KLHL32: variants seen among roughly 807,000 people sequenced by gnomAD.
KLHL32 encodes the protein kelch like family member 32, also known as kelch-like protein 32.
In KLHL32, 35 loss-of-function variants were observed where a neutral mutation model predicts 64.8. That is an observed-to-expected ratio of 0.54 (90% CI 0.41 to 0.72). KLHL32 has a LOEUF of 0.72. KLHL32 is among the 30% of genes least tolerant of loss of function. KLHL32 has a pLI of 0.00. For missense variants in KLHL32, 589 were observed against 768.5 expected (o/e 0.77, Z 2.76); for synonymous variants, 259 against 281.0 (o/e 0.92, Z 0.78).
intron 3 of KLHL32, among the ~76,000 whole-genome samples, chr6:96,985,486 C>A (rs1175241699): frequency 3.3e-5 from 5 of 152,214 alleles, no homozygotes; most frequent in Non-Finnish European, 7.3e-5. Flanking sequence ...TGGTTCCATT[C>A]TCTTCGTCAC....
chr6:97,053,682 C>G (rs1041139695), intron 4 of KLHL32, among the ~76,000 whole-genome samples: 1 of 151,766 alleles, frequency 6.6e-6, no homozygotes, highest in Non-Finnish European at 1.5e-5. Flanking sequence ...TTTACTTCAA[C>G]TTCTTTTCTG....
At chr6:97,067,412 A>G (rs1789963758) in intron 5 of KLHL32, among the ~76,000 whole-genome samples, 1 of 152,190 alleles carries the variant, frequency 6.6e-6, no homozygotes, top group Non-Finnish European at 1.5e-5. Context: ...GGAAAAAGGA[A>G]AGCTGGGCAA....
intron 1 of KLHL32, among the ~76,000 whole-genome samples, chr6:96,963,609 T>A (rs1774110764): frequency 6.6e-6 from 1 of 152,190 alleles, no homozygotes; most frequent in Non-Finnish European, 1.5e-5. Flanking sequence ...CTTGCTTTTT[T>A]ATAGTAGTTA....
At chr6:96,994,347 T>C (rs1192915268) in intron 3 of KLHL32, 1 of 301,312 alleles carries the variant, frequency 3.3e-6, no homozygotes, top group Non-Finnish European at 4.9e-6. Flanking sequence ...AAATGTTTTC[T>C]AATATTTTAT....
At chr6:96,917,417 A>C in the KLHL32 span, among the ~76,000 whole-genome samples, 1 of 152,198 alleles carries the variant, frequency 6.6e-6, no homozygotes, top group Non-Finnish European at 1.5e-5. Context: ...TGAGTTTAGA[A>C]GTAAAACATC....
chr6:96,974,213 C>T (rs1178355603), intron 2 of KLHL32, among the ~76,000 whole-genome samples: 1 of 152,110 alleles, frequency 6.6e-6, no homozygotes, highest in Non-Finnish European at 1.5e-5. Flanking sequence ...GAGAATAGTT[C>T]ATGGGACACG....
chr6:96,998,318 T>C (rs776526283), intron 3 of KLHL32, among the ~76,000 whole-genome samples: 15 of 152,224 alleles, frequency 9.9e-5, no homozygotes, highest in Non-Finnish European at 2.2e-4. Context: ...GATGCTGTAA[T>C]TAGAATCTGC....
chr6:96,990,423 G>A (rs931650435), intron 3 of KLHL32, among the ~76,000 whole-genome samples: 5 of 152,170 alleles, frequency 3.3e-5, no homozygotes, highest in Admixed American at 2.0e-4. Context: ...ATAATGGTAA[G>A]TTCTTGCTCA....
In KLHL32 at chr6:97,090,006, G is replaced by A. The variant is rs1351580838; in HGVS notation, c.627+4665G>A. Among the ~76,000 whole-genome samples the A allele has an allele frequency of 2.6e-5, 4 of 152,068 alleles. No individual in the cohort carries two copies. The East Asian group carries it at 7.7e-4, about 29-fold the overall frequency. On this transcript the variant is annotated intron_variant, in intron 6 of 10. Coordinates refer to ENST00000369261, the MANE Select transcript of KLHL32 (RefSeq NM_052904.4). ...AAGTAATTGCATAAACCCAAGTTAT[G>A]TCCTATTTTAGTGTGGCAAAGAGGG... is the stretch of plus-strand genomic sequence containing the variant.
intron 1 of KLHL32, among the ~76,000 whole-genome samples, chr6:96,940,130 A>C (rs953785539): frequency 7.9e-5 from 12 of 152,194 alleles, no homozygotes; most frequent in Non-Finnish European, 1.5e-4. Context: ...TTATAGTACT[A>C]ATCCATACAA....
At chr6:97,106,229 T>C (rs1006679466) in intron 6 of KLHL32, among the ~76,000 whole-genome samples, 1 of 152,222 alleles carries the variant, frequency 6.6e-6, no homozygotes, top group African/African-American at 2.4e-5. Flanking sequence ...GATATATTTC[T>C]GAAATACATA....
At chr6:96,983,207 G>A (rs1350380484) in intron 3 of KLHL32, among the ~76,000 whole-genome samples, 1 of 152,266 alleles carries the variant, frequency 6.6e-6, no homozygotes, top group Non-Finnish European at 1.5e-5. Flanking sequence ...TGTTGAACTA[G>A]CCTTGCATCC....
At chr6:97,054,107 T>C (rs1787407680) in intron 4 of KLHL32, among the ~76,000 whole-genome samples, 1 of 152,112 alleles carries the variant, frequency 6.6e-6, no homozygotes, top group Non-Finnish European at 1.5e-5. Flanking sequence ...GAAAGCAACA[T>C]GATAGCAAAA....
the KLHL32 span, among the ~76,000 whole-genome samples, chr6:96,915,945 G>A: frequency 6.6e-6 from 1 of 152,116 alleles, no homozygotes; most frequent in Non-Finnish European, 1.5e-5. Flanking sequence ...AAAAGAAAGA[G>A]ATCAACCATT....
intron 1 of KLHL32, among the ~76,000 whole-genome samples, chr6:96,927,641 T>C (rs1204676391): frequency 6.6e-6 from 1 of 152,154 alleles, no homozygotes; most frequent in Non-Finnish European, 1.5e-5. Context: ...AGCCAAAAGA[T>C]TTGAACAGCG....
intron 4 of KLHL32, among the ~76,000 whole-genome samples, chr6:97,049,453 C>G (rs1378544447): frequency 6.6e-6 from 1 of 152,106 alleles, no homozygotes; most frequent in African/African-American, 2.4e-5. Flanking sequence ...GAGATTGCAT[C>G]ATGCCACTCA....
chr6:97,103,213 CTTTTT>C (rs5878463), intron 6 of KLHL32, among the ~76,000 whole-genome samples: 1 of 121,410 alleles, frequency 8.2e-6, no homozygotes. Context: ...TTGAATTTAT[CTTTTT>C]TTTTTTTTTT....
chr6:96,976,581 AT>A (rs763513031), intron 3 of KLHL32, among the ~76,000 whole-genome samples: 7 of 152,090 alleles, frequency 4.6e-5, no homozygotes, highest in Non-Finnish European at 1.0e-4. Flanking sequence ...GGATATATAT[AT>A]ATATTTTTGT....
intron 4 of KLHL32, among the ~76,000 whole-genome samples, chr6:97,042,711 C>G (rs181032986): frequency 1.3e-5 from 2 of 152,160 alleles, no homozygotes; most frequent in East Asian, 1.9e-4. Flanking sequence ...AGTTACCATT[C>G]TGTGAAGTAG....
Sources: gnomAD v4.1 joint callset for allele counts (sites outside exome capture counted in the v4.1 genomes callset) on GRCh38, gnomAD v4.1.1 for gene constraint, MANE v1.5 for transcripts, NCBI Gene and HGNC (gene_info 2026-07-23, HGNC 2026-07-21) for gene names.